IL1RAPL1: variants seen among roughly 807,000 people sequenced by gnomAD.
IL1RAPL1 encodes the protein interleukin-1 receptor accessory protein-like 1.
A neutral mutation model predicts 48.4 loss-of-function variants in IL1RAPL1; 3 were observed. The ratio of observed to expected loss-of-function variants is 0.06; its 90% CI spans 0.03 to 0.16. IL1RAPL1 has a LOEUF of 0.16. Among genes scored for constraint, IL1RAPL1 ranks in the 10% least tolerant of loss-of-function variants. IL1RAPL1 has a pLI of 1.00. For synonymous variants in IL1RAPL1, 185 were observed against 187.7 expected, an observed-to-expected ratio of 0.99 and a Z score of 0.12; for missense variants, 349 against 530.6, an observed-to-expected ratio of 0.66 and a Z score of 3.36.
At chrX:29,162,014 A>G (rs1430818205) in intron 2 of IL1RAPL1, among the ~76,000 whole-genome samples, 1 of 112,301 alleles carries the variant, frequency 8.9e-6, no homozygotes, top group Non-Finnish European at 1.9e-5. Context: ...ACACTATGGA[A>G]TACTATGCAG....
At chrX:29,327,529 T>C (rs945312882) in intron 3 of IL1RAPL1, among the ~76,000 whole-genome samples, 5 of 103,107 alleles carry the variant, frequency 4.8e-5, no homozygotes, top group African/African-American at 1.8e-4. Context: ...GTGACTCTTA[T>C]AAAATTTCAT....
rs560107095 is a variant in IL1RAPL1 at position 29,562,115 on chromosome X, A to AATCTATCTATCT, written c.704-106261_704-106250dup. Among the ~76,000 whole-genome samples, 19 of 59,987 alleles carry AATCTATCTATCT rather than the reference A, an allele frequency of 3.2e-4. 1 individual carries two copies. Among genetic ancestry groups the AATCTATCTATCT allele is most frequent in the African/African-American group, 7.3e-4 (10 of 13,782 alleles). 52.1% of individuals were successfully genotyped at this position (59,987 alleles called of 115,157 possible). ...TGTCTATCTATCTATCTATCTATCT[A>AATCTATCTATCT]ATCTATCTATCTATCTATCTATCTA... is the stretch of plus-strand genomic sequence containing the variant. On this transcript the variant is annotated intron_variant, in intron 5 of 10. Coordinates refer to ENST00000378993, the MANE Select transcript of IL1RAPL1 (RefSeq NM_014271.4).
intron 9 of IL1RAPL1, among the ~76,000 whole-genome samples, chrX:29,944,322 G>C (rs1933180977): frequency 9.0e-6 from 1 of 111,476 alleles, no homozygotes; most frequent in African/African-American, 3.3e-5. Context: ...ACCCGTTCCT[G>C]CTGAAATGGT....
intron 5 of IL1RAPL1, among the ~76,000 whole-genome samples, chrX:29,581,708 A>T (rs980151613): frequency 1.8e-5 from 2 of 110,905 alleles, no homozygotes; most frequent in African/African-American, 6.6e-5. Context: ...GTGTGAGGAT[A>T]GTAAAATCAT....
chrX:28,655,503 C>T (rs1601848389), intron 1 of IL1RAPL1, among the ~76,000 whole-genome samples: 1 of 111,021 alleles, frequency 9.0e-6, no homozygotes, highest in African/African-American at 3.3e-5. Flanking sequence ...TTTAATGCTC[C>T]TATCAGCAAA....
At chrX:29,695,995 G>T (rs6630941) in intron 6 of IL1RAPL1, among the ~76,000 whole-genome samples, 29,630 of 110,808 alleles carry the variant, frequency 0.27, 2,978 homozygotes, top group South Asian at 0.43. Context: ...AGTACGTATT[G>T]GTCAGTTGAG....
At chrX:29,722,637 ACAC>A (rs1927665895) in intron 6 of IL1RAPL1, among the ~76,000 whole-genome samples, 2 of 111,432 alleles carry the variant, frequency 1.8e-5, no homozygotes, top group African/African-American at 6.5e-5. Flanking sequence ...TCTTTTTTCA[ACAC>A]CACATCAGGA....
rs201963010 is a variant in IL1RAPL1 at position 29,197,707 on chromosome X, A to ATT, written c.83-85214_83-85213dup. ...TCTTTAAGGAGGTATTTCAGTGAGA[A>ATT]TTTTTTTTTTTTTTTTTTGAGATGG... On this transcript the variant is annotated intron_variant, in intron 2 of 10. Transcript: ENST00000378993. Among the ~76,000 whole-genome samples, 70 of 93,806 alleles carry ATT rather than the reference A, an allele frequency of 7.5e-4. 1 individual carries two copies. The highest frequency in any genetic ancestry group is 2.7e-3 in the African/African-American group (65 of 23,967). The allele number at this position is 93,806 out of a possible 115,157, so 81.5% of individuals were successfully genotyped here.
At chrX:29,802,905 G>A (rs1381265270) in intron 6 of IL1RAPL1, among the ~76,000 whole-genome samples, 2 of 21,451 alleles carry the variant, frequency 9.3e-5, no homozygotes, top group African/African-American at 2.4e-4. Context: ...ATATATATGT[G>A]TATATATGTG....
intron 5 of IL1RAPL1, among the ~76,000 whole-genome samples, chrX:29,449,317 G>T (rs1934648301): frequency 9.0e-6 from 1 of 111,020 alleles, no homozygotes; most frequent in African/African-American, 3.3e-5. Context: ...GTTTAATGAT[G>T]ATGGGGTAAC....
At chrX:28,730,916 C>A (rs770522118) in intron 1 of IL1RAPL1, among the ~76,000 whole-genome samples, 1 of 111,517 alleles carries the variant, frequency 9.0e-6, no homozygotes, top group African/African-American at 3.3e-5. Context: ...CCAGACTCTA[C>A]GCATTGGTTT....
At chrX:29,873,386 C>G (rs966433601) in intron 6 of IL1RAPL1, among the ~76,000 whole-genome samples, 26 of 106,223 alleles carry the variant, frequency 2.4e-4, no homozygotes, top group Non-Finnish European at 4.2e-4. Context: ...GTGCCCCCCC[C>G]CCAATTATAT....
chrX:29,113,919 T>A (rs1381707398), intron 2 of IL1RAPL1, among the ~76,000 whole-genome samples: 1 of 111,967 alleles, frequency 8.9e-6, no homozygotes, highest in Non-Finnish European at 1.9e-5. Context: ...TGTTCCTTAT[T>A]TTAGAGGGAA....
At chrX:28,688,093 G>A (rs1470713075) in intron 1 of IL1RAPL1, among the ~76,000 whole-genome samples, 1 of 70,672 alleles carries the variant, frequency 1.4e-5, no homozygotes, top group Non-Finnish European at 2.5e-5. Context: ...GACAGAGAGA[G>A]ACTCTGTCTC....
At chrX:28,647,725 G>A (rs1934630526) in intron 1 of IL1RAPL1, among the ~76,000 whole-genome samples, 1 of 111,616 alleles carries the variant, frequency 9.0e-6, no homozygotes, top group Non-Finnish European at 1.9e-5. Flanking sequence ...TGAGACAATG[G>A]TTTTGAAATG....
At chrX:29,945,613 C>G (rs1298870109) in intron 9 of IL1RAPL1, among the ~76,000 whole-genome samples, 2 of 111,866 alleles carry the variant, frequency 1.8e-5, no homozygotes, top group Non-Finnish European at 3.8e-5. Flanking sequence ...TATCAATAAT[C>G]AGAGAATCAC....
chrX:29,703,195 T>C (rs1927100792), intron 6 of IL1RAPL1, among the ~76,000 whole-genome samples: 1 of 112,041 alleles, frequency 8.9e-6, no homozygotes, highest in African/African-American at 3.2e-5. Flanking sequence ...ACATTTTAAC[T>C]ATTATTTTCT....
chrX:28,899,344 G>T (rs1601950202), intron 2 of IL1RAPL1, among the ~76,000 whole-genome samples: 1 of 111,564 alleles, frequency 9.0e-6, no homozygotes, highest in African/African-American at 3.3e-5. Flanking sequence ...TTTTTGTAGA[G>T]ACAGGGTTTC....
intron 5 of IL1RAPL1, among the ~76,000 whole-genome samples, chrX:29,665,160 T>G (rs371569884): frequency 8.9e-6 from 1 of 112,615 alleles, no homozygotes. Flanking sequence ...AAAATTACCC[T>G]GTGCTTCATA....
Sources: allele counts gnomAD v4.1 joint callset (sites outside exome capture counted in the v4.1 genomes callset), GRCh38; gene constraint gnomAD v4.1.1; transcripts MANE v1.5; gene names NCBI Gene and HGNC (gene_info 2026-07-23, HGNC 2026-07-21).